RUBCNL: variants seen among roughly 807,000 people sequenced by gnomAD.
RUBCNL encodes the protein rubicon like autophagy enhancer.
In RUBCNL, 62 loss-of-function variants were observed where a neutral mutation model predicts 69.5. That is an observed-to-expected ratio of 0.89 (90% CI 0.73 to 1.10). RUBCNL has a LOEUF of 1.10. RUBCNL is among the 50% of genes least tolerant of loss of function. RUBCNL has a pLI of 0.00. For synonymous variants in RUBCNL, 291 were observed against 303.6 expected, an observed-to-expected ratio of 0.96 and a Z score of 0.43; for missense variants, 768 against 798.1, an observed-to-expected ratio of 0.96 and a Z score of 0.45.
chr13:46,385,884 A>C (rs2049230444), intron 1 of RUBCNL, among the ~76,000 whole-genome samples: 1 of 152,130 alleles, frequency 6.6e-6, no homozygotes, highest in East Asian at 1.9e-4. Flanking sequence ...CACTTTGTAA[A>C]GGCCCTAAAG....
Position 46,363,198 on chromosome 13 carries a change from T to G in RUBCNL, c.842A>C (p.Gln281Pro). ...YSGYEGCAVL[Q>P]VSPVTETRTY... The stretch of plus-strand genomic sequence containing the variant: ...ACGTGTTTCAGTCACTGGGCTGACC[T>G]GTAACACAGCACAACCTAGACAAAG... The change falls in exon 6 of 15, where the codon CAG becomes CCG. Residue 281 changes from glutamine to proline, a missense_variant. Physicochemically the swap from Gln to Pro is moderately conservative, Grantham distance 76. Coordinates refer to ENST00000429979, the MANE Select transcript of RUBCNL (RefSeq NM_025113.5). 6.4e-7 allele frequency: 1 copy of G among 1,569,826 alleles called. No homozygotes were observed. The highest frequency in any genetic ancestry group is 1.2e-5 in the South Asian group (1 of 85,270).
intron 1 of RUBCNL, among the ~76,000 whole-genome samples, chr13:46,384,578 G>A (rs1027448875): frequency 5.3e-5 from 8 of 151,936 alleles, no homozygotes; most frequent in African/African-American, 1.9e-4. Flanking sequence ...AAAAAAAAAC[G>A]TTGAGGTCTA....
At chr13:46,347,045 A>T (rs2048260758) in intron 12 of RUBCNL, among the ~76,000 whole-genome samples, 1 of 152,208 alleles carries the variant, frequency 6.6e-6, no homozygotes, top group African/African-American at 2.4e-5. Context: ...GGTATATCGC[A>T]GGACACTGAG....
rs1337727755 is a variant in RUBCNL, at chr13:46,368,494, G to A, written c.618+239C>T. On this transcript the variant is annotated intron_variant, in intron 4 of 14. Transcript: ENST00000429979. ...GATTTCTTGTTATACAAAACCTTAG[G>A]TTGGGGGAAGCCTAATGCCAGACAT... 6 of 985,206 alleles carry A rather than the reference G, an allele frequency of 6.1e-6. 1 individual carries two copies. In the East Asian group the frequency reaches 6.8e-4, roughly 112 times the overall value. The allele number at this position is 985,206 out of a possible 1,614,324, so 61.0% of individuals were successfully genotyped here.
intron 10 of RUBCNL, among the ~76,000 whole-genome samples, chr13:46,351,275 A>G (rs2048363517): frequency 6.6e-6 from 1 of 152,226 alleles, no homozygotes; most frequent in South Asian, 2.1e-4. Flanking sequence ...TTGATGACAA[A>G]TAATAAAATT....
At position 46,342,092 on chromosome 13, in the gene RUBCNL, C is replaced by T. The variant is rs578171106; in HGVS notation, c.*1293G>A. On this transcript the variant is annotated 3_prime_UTR_variant, in exon 15 of 15. Coordinates refer to ENST00000429979, the MANE Select transcript of RUBCNL (RefSeq NM_025113.5). ...TTAAATAATGGATGTGAGCACAGTT[C>T]TGGCAGAGGCACTGCGGATGAGAAA... 1 of 152,328 alleles carries T rather than the reference C, an allele frequency of 6.6e-6. No homozygotes were observed. The highest frequency in any genetic ancestry group is 6.5e-5 in the Admixed American group (1 of 15,298). 9.4% of individuals were successfully genotyped at this position (152,328 alleles called of 1,614,324 possible).
At chr13:46,348,691 C>T (rs1594134116) in intron 12 of RUBCNL, among the ~76,000 whole-genome samples, 1 of 150,980 alleles carries the variant, frequency 6.6e-6, no homozygotes, top group East Asian at 2.0e-4. Flanking sequence ...GCAACCTCTG[C>T]CTCCCAGGTT....
At chr13:46,371,722 T>A (rs2048878700) in intron 3 of RUBCNL, among the ~76,000 whole-genome samples, 1 of 152,222 alleles carries the variant, frequency 6.6e-6, no homozygotes, top group African/African-American at 2.4e-5. Context: ...GCACTGATTA[T>A]CAACTACATT....
At position 46,343,446 on chromosome 13, in the gene RUBCNL, C is replaced by G. The variant is rs1297164782; in HGVS notation, c.1928G>C (p.Arg643Pro). ...TCTCCTCGCTGTGATCCTCGCACAC[C>G]GGGGGCACTCGGAGGACTGGAAGCA... ...KQCFQSSECP[R>P]CARITARRKL... is the part of the protein sequence containing the mutation. Residue 643 changes from arginine to proline, a missense_variant, in exon 15 of 15, where the codon CGG becomes CCG. Arg to Pro is a moderately radical substitution (Grantham distance 103). Transcript: ENST00000429979. The G allele has an allele frequency of 8.1e-6, 13 of 1,613,776 alleles. No homozygotes were observed. The highest frequency in any genetic ancestry group is 1.6e-4 in the Middle Eastern group (1 of 6,084).
At chr13:46,374,166 G>A (rs1451618042) in intron 2 of RUBCNL, among the ~76,000 whole-genome samples, 1 of 152,170 alleles carries the variant, frequency 6.6e-6, no homozygotes, top group African/African-American at 2.4e-5. Context: ...TCCAACCTCT[G>A]CCTCCCAGGT....
At position 46,368,191 on chromosome 13, in the gene RUBCNL, C is replaced by T. The variant is rs755277167; in HGVS notation, c.677G>A (p.Cys226Tyr). The T allele has an allele frequency of 6.8e-6, 11 of 1,613,882 alleles. No homozygotes were observed. The highest frequency in any genetic ancestry group is 8.5e-7 in the Non-Finnish European group (1 of 1,179,904). The change falls in exon 5 of 15, where the codon TGT (cysteine) becomes TAT (tyrosine). Residue 226 changes from cysteine to tyrosine, a missense_variant. Transcript: ENST00000429979. ...MIISAMEKMK[C>Y]NILSQQQTES... ...TGTCTGCTGTTGACTCAGAATGTTA[C>T]ACTTCATTTTCTCCATTGCTGATAT...
intron 10 of RUBCNL, 73 bp from the exon 11 acceptor site, chr13:46,350,424 T>C (rs1389869336): frequency 1.9e-6 from 2 of 1,058,084 alleles, no homozygotes; most frequent in African/African-American, 3.2e-5. Context: ...CGACTTCCAA[T>C]TCCTACGCAA....
At chr13:46,374,399 C>T (rs2048944166) in intron 2 of RUBCNL, 2 of 152,206 alleles carry the variant, frequency 1.3e-5, no homozygotes, top group Non-Finnish European at 2.9e-5. Flanking sequence ...TTTTAACACC[C>T]AGAGGGGTGC....
At chr13:46,389,174 T>C (rs1444009916), upstream of RUBCNL, among the ~76,000 whole-genome samples, 1 of 152,200 alleles carries the variant, frequency 6.6e-6, no homozygotes, top group Non-Finnish European at 1.5e-5. This position sits in a 1 kb window ranked among gnomAD's most constrained non-coding sequence, Gnocchi z 4.2. Context: ...TCCCTGAGAA[T>C]AACAAATCAT....
intron 2 of RUBCNL, among the ~76,000 whole-genome samples, chr13:46,377,672 G>A (rs958464957): frequency 3.3e-5 from 5 of 152,170 alleles, no homozygotes; most frequent in African/African-American, 9.7e-5. Flanking sequence ...AAAAACCAAC[G>A]TCCTCATAAA....
chr13:46,357,252 G>A (rs1345615746), intron 9 of RUBCNL, among the ~76,000 whole-genome samples: 1 of 147,268 alleles, frequency 6.8e-6, no homozygotes, highest in South Asian at 2.2e-4. Context: ...AGAATGGCGT[G>A]AACCCGGGAG....
In RUBCNL at chr13:46,341,673, GA is replaced by G. The variant is rs1451872628; in HGVS notation, c.*1711del. ...AGCTGCCTTAAATCAACACTGATGT[GA>G]GAAAACACTCTGCCCAATGCCACTT... On this transcript the variant is annotated 3_prime_UTR_variant, in exon 15 of 15. Coordinates refer to ENST00000429979, the MANE Select transcript of RUBCNL (RefSeq NM_025113.5). Among the ~76,000 whole-genome samples the G allele has an allele frequency of 3.3e-5, 5 of 152,300 alleles. No homozygotes were observed. The highest frequency in any genetic ancestry group is 2.0e-4 in the Admixed American group (3 of 15,306).
intron 2 of RUBCNL, among the ~76,000 whole-genome samples, chr13:46,373,097 C>T (rs943935182): frequency 6.6e-6 from 1 of 152,016 alleles, no homozygotes; most frequent in African/African-American, 2.4e-5. Context: ...CCTCAGCCTC[C>T]CGAGCAGCTG....
chr13:46,368,601 T>C (rs2048811709), intron 4 of RUBCNL, 132 bp downstream of exon 4: 1 of 1,297,384 alleles, frequency 7.7e-7, no homozygotes, highest in Non-Finnish European at 1.0e-6. Flanking sequence ...TCTGGCAGTC[T>C]CCATCAATCA....
Sources: gnomAD v4.1 joint callset for allele counts (sites outside exome capture counted in the v4.1 genomes callset) on GRCh38, gnomAD v4.1.1 for gene constraint, Gnocchi (gnomAD v3.1) non-coding constraint, MANE v1.5 for transcripts, NCBI Gene and HGNC (gene_info 2026-07-23, HGNC 2026-07-21) for gene names.